KCNAB2: variants seen among roughly 807,000 people sequenced by gnomAD.
The protein encoded by KCNAB2 is potassium voltage-gated channel subfamily A regulatory beta subunit 2.
Under a neutral mutation model 63.6 loss-of-function variants are expected in KCNAB2, and 29 were observed. That is an observed-to-expected ratio of 0.46 (90% CI 0.34 to 0.62). The LOEUF (loss-of-function observed/expected upper bound fraction) is 0.62. Among genes scored for constraint, KCNAB2 ranks in the 20% least tolerant of loss-of-function variants. The pLI, the probability that KCNAB2 is intolerant of heterozygous loss-of-function variation, is 0.01. For synonymous variants in KCNAB2, 222 were observed against 224.2 expected (o/e 0.99, Z 0.09); for missense variants, 359 against 563.9 (o/e 0.64, Z 3.68).
Position 6,099,917 on chromosome 1 carries a change from T to C in KCNAB2, c.*1343T>C. 1 of 1,550,184 alleles carries C rather than the reference T, an allele frequency of 6.5e-7. No homozygotes were observed. The highest frequency in any genetic ancestry group is 2.0e-5 in the Admixed American group (1 of 50,988). ...TGCCAGTAAGTCTGCAGGTGCGGGG[T>C]GCCACCTACAGGCCCAGGCCTGTGT... On this transcript the variant is annotated 3_prime_UTR_variant, in exon 16 of 16. Coordinates refer to ENST00000378083, the MANE Select transcript of KCNAB2 (RefSeq NM_001199862.2).
At chr1:6,052,347 C>T (rs1421238664) in intron 2 of KCNAB2, among the ~76,000 whole-genome samples, 1 of 151,892 alleles carries the variant, frequency 6.6e-6, no homozygotes, top group Non-Finnish European at 1.5e-5. Flanking sequence ...ATTACCTGAG[C>T]CCAAAGAATC....
At chr1:6,060,869 C>G (rs1451265880) in intron 2 of KCNAB2, among the ~76,000 whole-genome samples, 1 of 148,632 alleles carries the variant, frequency 6.7e-6, no homozygotes, top group Non-Finnish European at 1.5e-5. Flanking sequence ...CACCACTGCA[C>G]TCCAGCCTGG....
At position 6,003,360 on chromosome 1, in the gene KCNAB2, G is replaced by A. The variant is rs1657370406; in HGVS notation, c.-53+10572G>A. On this transcript the variant is annotated intron_variant, in intron 1 of 16. Coordinates refer to the KCNAB2 transcript ENST00000341524. This position sits in a 1 kb window ranked among gnomAD's most constrained non-coding sequence, Gnocchi z 4.1. ...AGCAGGGTCATGGGGTCAGAGGCAG[G>A]GTCCGTGTGGTGTGGAGCAGGGGTT... Among the ~76,000 whole-genome samples, 1 of 152,192 alleles carries A rather than the reference G, an allele frequency of 6.6e-6. No homozygotes were observed. The highest frequency in any genetic ancestry group is 2.4e-5 in the African/African-American group (1 of 41,440).
At chr1:6,009,898 T>G (rs2100263530) in intron 1 of KCNAB2, among the ~76,000 whole-genome samples, 1 of 149,612 alleles carries the variant, frequency 6.7e-6, no homozygotes, top group East Asian at 2.0e-4. Context: ...TCCGACAGGG[T>G]CTCACTCTGC....
chr1:6,050,187 G>A (rs1009294792), intron 1 of KCNAB2, among the ~76,000 whole-genome samples: 14 of 152,182 alleles, frequency 9.2e-5, no homozygotes, highest in Non-Finnish European at 1.8e-4. Context: ...TCCTCTCTTG[G>A]GGCAGAAGGT....
rs1028079419 is a variant in KCNAB2, at chr1:6,003,400, C to T, written c.-53+10612C>T. Among the ~76,000 whole-genome samples the T allele has an allele frequency of 2.0e-5, 3 of 152,210 alleles. No homozygotes were observed. Among genetic ancestry groups the T allele is most frequent in the Admixed American group, 6.5e-5 (1 of 15,286 alleles). ...GAGCAGGGGTTCCTCCCCACTCGCT[C>T]GCTCGGCTGCCTTCAGCCCCTGCAG... On this transcript the variant is annotated intron_variant, in intron 1 of 16. Transcript: ENST00000341524. This position sits in a 1 kb window ranked among gnomAD's most constrained non-coding sequence, Gnocchi z 4.1.
intron 1 of KCNAB2, among the ~76,000 whole-genome samples, chr1:5,998,554 G>A (rs1657061637): frequency 6.6e-6 from 1 of 152,184 alleles, no homozygotes; most frequent in East Asian, 1.9e-4. Context: ...GGTCGCCAAG[G>A]GTACGGGTTT....
intron 6 of KCNAB2, chr1:6,085,679 G>A (rs998314019): frequency 3.5e-6 from 1 of 282,744 alleles, no homozygotes; most frequent in Non-Finnish European, 5.7e-6. Flanking sequence ...GGCCAGAGAA[G>A]GGAGTGGCTC....
At position 6,090,369 on chromosome 1, in the gene KCNAB2, C is replaced by T. The variant is rs768560792; in HGVS notation, c.515-20C>T. On this transcript the variant is annotated intron_variant, in intron 8 of 15. Transcript: ENST00000378083. ...GATGGAGCCACAGCAGTGACGCCCC[C>T]CCACCTGGTCCTCCCCCAGGTCTGA... is the stretch of plus-strand genomic sequence containing the variant. 2 of 1,593,206 alleles carry T rather than the reference C, an allele frequency of 1.3e-6. No individual in the cohort carries two copies. The highest frequency in any genetic ancestry group is 1.7e-6 in the Non-Finnish European group (2 of 1,161,688).
chr1:6,074,537 C>A lies in KCNAB2; in HGVS notation c.300+767C>A, dbSNP rs1470292441. ...ATCCTACTTAGCACTAGAAAGGTTGCGTTTAAAAATTGATCAGCGAATTGA... is the reference window on the plus strand; with the variant it reads ...ATCCTACTTAGCACTAGAAAGGTTGAGTTTAAAAATTGATCAGCGAATTGA... On this transcript the variant is annotated intron_variant, in intron 4 of 15. Coordinates refer to ENST00000378083, the MANE Select transcript of KCNAB2 (RefSeq NM_001199862.2). This position sits in a 1 kb window ranked among gnomAD's most constrained non-coding sequence, Gnocchi z 4.9. Among the ~76,000 whole-genome samples the A allele has an allele frequency of 6.6e-6, 1 of 152,194 alleles. No homozygotes were observed. The highest frequency in any genetic ancestry group is 6.5e-5 in the Admixed American group (1 of 15,274).
chr1:6,000,251 T>C (rs1336637421), intron 1 of KCNAB2, among the ~76,000 whole-genome samples: 1 of 151,908 alleles, frequency 6.6e-6, no homozygotes, highest in Non-Finnish European at 1.5e-5. Context: ...GACCAGGAGG[T>C]ATTCAGGTGT....
rs563383765 is a variant in KCNAB2 at position 6,029,058 on chromosome 1, G to T, written c.-52-11459G>T. Among the ~76,000 whole-genome samples the T allele has an allele frequency of 3.3e-5, 5 of 152,270 alleles. No homozygotes were observed. The East Asian group carries it at 9.7e-4, about 29-fold the overall frequency. ...TCACTTTGGGAGGCCCAGGCGAGTG[G>T]ATCACAAGGTCAGGAGATCAAGACC... On this transcript the variant is annotated intron_variant, in intron 1 of 16. Transcript: ENST00000341524.
chr1:5,996,786 C>A (rs574693750), intron 1 of KCNAB2, among the ~76,000 whole-genome samples: 1 of 152,370 alleles, frequency 6.6e-6, no homozygotes, highest in South Asian at 2.1e-4. Flanking sequence ...TGAGCCCTGA[C>A]TGCCGAGCAG....
At chr1:6,081,449 C>T (rs1336402805) in intron 4 of KCNAB2, among the ~76,000 whole-genome samples, 1 of 152,240 alleles carries the variant, frequency 6.6e-6, no homozygotes, top group African/African-American at 2.4e-5. Context: ...CCAGCAACAT[C>T]CACAGAGCCC....
Position 6,099,152 on chromosome 1 carries a change from C to G in KCNAB2, c.*578C>G, listed in dbSNP as rs1458062335. 2 of 153,046 alleles carry G rather than the reference C, an allele frequency of 1.3e-5. No individual in the cohort carries two copies. The highest frequency in any genetic ancestry group is 2.9e-5 in the Non-Finnish European group (2 of 68,702). The allele number at this position is 153,046 out of a possible 1,614,324, so 9.5% of individuals were successfully genotyped here. On this transcript the variant is annotated 3_prime_UTR_variant, in exon 16 of 16. Coordinates refer to ENST00000378083, the MANE Select transcript of KCNAB2 (RefSeq NM_001199862.2). The stretch of plus-strand genomic sequence containing the variant: ...GAATCTGGGGCCTGACCACAGATTC[C>G]TCTCCCATCCTTTTCTGCTCCAACC...
Position 6,073,951 on chromosome 1 carries a change from G to A in KCNAB2, c.300+181G>A, listed in dbSNP as rs1014125516. 21 of 628,018 alleles carry A rather than the reference G, an allele frequency of 3.3e-5. No homozygotes were observed. The South Asian group carries it at 3.7e-4, about 11-fold the overall frequency. The allele number at this position is 628,018 out of a possible 1,614,324, so 38.9% of individuals were successfully genotyped here. ...GGAGAGTAGAAAGGTGAGCCAGGTG[G>A]CCATGGCCAGAGGGGATGCCGAGTC... On this transcript the variant is annotated intron_variant, in intron 4 of 15. Coordinates refer to ENST00000378083, the MANE Select transcript of KCNAB2 (RefSeq NM_001199862.2). The surrounding 1 kb of genome is among the most constrained non-coding windows in gnomAD (Gnocchi z 5.7).
chr1:6,055,779 T>C (rs4908496), intron 2 of KCNAB2, among the ~76,000 whole-genome samples: 44,581 of 151,940 alleles, frequency 0.29, 7,186 homozygotes, highest in African/African-American at 0.42. Flanking sequence ...TGCACCAGGG[T>C]TGACGGGGTG....
intron 10 of KCNAB2, among the ~76,000 whole-genome samples, chr1:6,093,469 T>C (rs1162365207): frequency 1.3e-5 from 2 of 152,212 alleles, no homozygotes; most frequent in Non-Finnish European, 2.9e-5. Context: ...CTCAAAGCCA[T>C]GTTTGAATAT....
At chr1:6,046,263 G>C in intron 1 of KCNAB2, 80 bp downstream of exon 1, 1 of 921,732 alleles carries the variant, frequency 1.1e-6, no homozygotes, top group South Asian at 5.0e-5. Flanking sequence ...AAAAATAACA[G>C]AGGAGACCAT....
Sources: allele counts gnomAD v4.1 joint callset (sites outside exome capture counted in the v4.1 genomes callset), GRCh38; gene constraint gnomAD v4.1.1; non-coding constraint Gnocchi (gnomAD v3.1); transcripts MANE v1.5; gene names NCBI Gene and HGNC (gene_info 2026-07-23, HGNC 2026-07-21).